The following SLC4A10 variants were observed in gnomAD, a reference collection of about 807,000 sequenced individuals.
SLC4A10 encodes sodium-driven chloride bicarbonate exchanger.
In SLC4A10, 42 loss-of-function variants were observed where a neutral mutation model predicts 137.7. The observed-to-expected ratio is 0.30, with a 90% CI of 0.24 to 0.39. The LOEUF (loss-of-function observed/expected upper bound fraction) is 0.39, where lower values mean the gene tolerates loss of function less well. Among genes scored for constraint, SLC4A10 ranks in the 10% least tolerant of loss-of-function variants. The pLI is 1.00. For missense variants in SLC4A10, 925 were observed against 1,355.0 expected, an observed-to-expected ratio of 0.68 and a Z score of 4.98; for synonymous variants, 474 against 464.1, an observed-to-expected ratio of 1.02 and a Z score of -0.27.
At position 161,978,258 on chromosome 2, in the gene SLC4A10, A is replaced by T. The variant is rs572872933; in HGVS notation, c.*26+498A>T. On this transcript the variant is annotated intron_variant, in intron 26 of 26. Transcript: ENST00000446997. ...AAAAATTAGCCAGGCGTGGTGGCGG[A>T]TGCCTGTAATCCCAGCTACTTTGGA... is the stretch of plus-strand genomic sequence containing the variant. Among the ~76,000 whole-genome samples the T allele has an allele frequency of 2.5e-3, 373 of 151,766 alleles. 1 individual carries two copies. Among genetic ancestry groups the T allele is most frequent in the Non-Finnish European group, 3.7e-3 (251 of 67,882 alleles).
In SLC4A10 at chr2:161,702,495, C is replaced by T. The variant is rs907832938; in HGVS notation, c.49-68478C>T. Reference sequence around the variant, plus strand: ...CACATTAAAAAATATTGTCTTTACACATGGTATTTTGGAGACTTATTGGTG... The same window carrying T: ...CACATTAAAAAATATTGTCTTTACATATGGTATTTTGGAGACTTATTGGTG... On this transcript the variant is annotated intron_variant, in intron 1 of 26. Transcript: ENST00000446997. Among the ~76,000 whole-genome samples the T allele has an allele frequency of 2.6e-5, 4 of 151,850 alleles. No individual in the cohort carries two copies. The East Asian group carries it at 7.7e-4, about 29-fold the overall frequency.
chr2:161,908,256 G>A (rs1684916843), intron 15 of SLC4A10, among the ~76,000 whole-genome samples: 1 of 152,060 alleles, frequency 6.6e-6, no homozygotes, highest in African/African-American at 2.4e-5. Flanking sequence ...CAGTGGCATG[G>A]ACATCAAACA....
rs1222985956 is a variant in SLC4A10 at position 161,767,125 on chromosome 2, A to G, written c.49-3848A>G. Reference sequence around the variant, plus strand: ...TATATATATATATATATATATATATATATATATATATATATGTGTGTGTGT... The same window carrying G: ...TATATATATATATATATATATATATGTATATATATATATATGTGTGTGTGT... On this transcript the variant is annotated intron_variant, in intron 1 of 26. Transcript: ENST00000446997. Among the ~76,000 whole-genome samples the G allele has an allele frequency of 9.9e-5, 8 of 80,558 alleles. No homozygotes were observed. In the South Asian group the frequency reaches 2.3e-3, roughly 23 times the overall value. The allele number at this position is 80,558 out of a possible 152,430, so 52.8% of individuals were successfully genotyped here.
intron 1 of SLC4A10, among the ~76,000 whole-genome samples, chr2:161,710,181 T>C (rs1052204212): frequency 3.3e-5 from 5 of 151,710 alleles, no homozygotes; most frequent in East Asian, 1.9e-4. Context: ...TAGGGAAGAT[T>C]GGCATATTCT....
intron 1 of SLC4A10, among the ~76,000 whole-genome samples, chr2:161,758,777 T>C (rs182125824): frequency 4.2e-4 from 64 of 152,082 alleles, no homozygotes; most frequent in African/African-American, 1.5e-3. Flanking sequence ...CTTCTTACAA[T>C]TGACATTTAT....
chr2:161,778,331 C>G (rs1419610894), intron 2 of SLC4A10, among the ~76,000 whole-genome samples: 1 of 151,846 alleles, frequency 6.6e-6, no homozygotes, highest in Non-Finnish European at 1.5e-5. Context: ...TCCTCTTAAC[C>G]TCTCTTTATG....
At chr2:161,939,441 A>G (rs1399608663) in intron 15 of SLC4A10, among the ~76,000 whole-genome samples, 1 of 152,136 alleles carries the variant, frequency 6.6e-6, no homozygotes, top group Non-Finnish European at 1.5e-5. Context: ...TTTCAATACG[A>G]TAATATCACA....
chr2:161,803,914 C>T (rs1292379411), intron 2 of SLC4A10, among the ~76,000 whole-genome samples: 2 of 152,030 alleles, frequency 1.3e-5, no homozygotes, highest in African/African-American at 4.8e-5. Flanking sequence ...ATGCCAGAGT[C>T]GAAACTCTTG....
chr2:161,835,516 G>C (rs1364825061), intron 3 of SLC4A10, among the ~76,000 whole-genome samples: 1 of 152,180 alleles, frequency 6.6e-6, no homozygotes, highest in Non-Finnish European at 1.5e-5. Flanking sequence ...TTGGCTATGA[G>C]GATGAGCTTC....
intron 21 of SLC4A10, among the ~76,000 whole-genome samples, chr2:161,962,621 G>A (rs1293876275): frequency 2.0e-5 from 3 of 152,086 alleles, no homozygotes; most frequent in Non-Finnish European, 4.4e-5. Context: ...GCACTTAGTA[G>A]CCTGCATAGA....
At chr2:161,743,514 T>A (rs1457701721) in intron 1 of SLC4A10, among the ~76,000 whole-genome samples, 2 of 152,210 alleles carry the variant, frequency 1.3e-5, no homozygotes, top group Non-Finnish European at 2.9e-5. Flanking sequence ...CTGTTTTGGT[T>A]ACTATAGCTC....
chr2:161,646,063 A>T (rs1156515900), intron 1 of SLC4A10, among the ~76,000 whole-genome samples: 9 of 152,098 alleles, frequency 5.9e-5, no homozygotes. Context: ...ATGGTGAACC[A>T]TGTGCAAAAT....
chr2:161,936,612 C>G (rs1374376890), intron 15 of SLC4A10, among the ~76,000 whole-genome samples: 2 of 151,934 alleles, frequency 1.3e-5, no homozygotes. Flanking sequence ...CTTTGCATTT[C>G]TGTAGTGTAT....
Position 161,771,318 on chromosome 2 carries a change from C to T in SLC4A10, c.130+264C>T, listed in dbSNP as rs2051576417. On this transcript the variant is annotated intron_variant, in intron 2 of 26. Coordinates refer to ENST00000446997, the MANE Select transcript of SLC4A10 (RefSeq NM_001178015.2). ...AGCACTGTACTGTGTGTCAATCTTT[C>T]AATAATCCTTGCTTCATGTAATTAC... Among the ~76,000 whole-genome samples the T allele has an allele frequency of 4.0e-5, 6 of 151,864 alleles. No homozygotes were observed. The South Asian group carries it at 1.2e-3, about 32-fold the overall frequency.
intron 4 of SLC4A10, among the ~76,000 whole-genome samples, chr2:161,850,364 T>C (rs1226765173): frequency 1.3e-5 from 2 of 152,144 alleles, no homozygotes; most frequent in African/African-American, 4.8e-5. Context: ...CACTCCAGTC[T>C]GGGTGACAGA....
At chr2:161,853,894 A>G (rs2059962989) in intron 4 of SLC4A10, among the ~76,000 whole-genome samples, 1 of 152,136 alleles carries the variant, frequency 6.6e-6, no homozygotes, top group African/African-American at 2.4e-5. Flanking sequence ...TACTCTGCAC[A>G]TTAATCATTC....
intron 4 of SLC4A10, among the ~76,000 whole-genome samples, chr2:161,841,507 A>T (rs1197842571): frequency 6.6e-6 from 1 of 152,194 alleles, no homozygotes. Context: ...AAGCCACAGT[A>T]ATTCCATTGG....
chr2:161,958,724 A>G (rs1309598793), intron 21 of SLC4A10, among the ~76,000 whole-genome samples, 169 bp downstream of exon 21: 4 of 152,210 alleles, frequency 2.6e-5, no homozygotes, highest in Non-Finnish European at 2.9e-5. Context: ...GATTCTCTCC[A>G]GCATCTAAGG....
In SLC4A10 at chr2:161,951,825, T is replaced by C. The variant is rs183319462; in HGVS notation, c.2541+977T>C. On this transcript the variant is annotated intron_variant, in intron 19 of 26. Coordinates refer to ENST00000446997, the MANE Select transcript of SLC4A10 (RefSeq NM_001178015.2). ...TGCCATTACTTTTAATAATAATAAT[T>C]ACATAAATGTAAGAAAGCACACTTA... Among the ~76,000 whole-genome samples the C allele has an allele frequency of 2.4e-3, 359 of 152,202 alleles. 2 individuals carry two copies. Among genetic ancestry groups the C allele is most frequent in the African/African-American group, 7.9e-3 (330 of 41,542 alleles).
Sources: allele counts gnomAD v4.1 joint callset (sites outside exome capture counted in the v4.1 genomes callset), GRCh38; gene constraint gnomAD v4.1.1; transcripts MANE v1.5; gene names NCBI Gene and HGNC (gene_info 2026-07-23, HGNC 2026-07-21).